The following SH3D19 variants were observed in gnomAD, a reference collection of about 807,000 sequenced individuals.
The protein encoded by SH3D19 is SH3 domain containing 19, also known as SH3 domain-containing protein 19.
In SH3D19, 58 loss-of-function variants were observed where a neutral mutation model predicts 112.1. The ratio of observed to expected loss-of-function variants is 0.52; its 90% CI spans 0.42 to 0.64. The LOEUF (loss-of-function observed/expected upper bound fraction) is 0.64. Ranked by LOEUF, SH3D19 falls within the 30% of genes least tolerant of loss-of-function variation. The probability of loss-of-function intolerance (pLI) is 0.00; values close to 1 mark genes in which losing one functional copy is unlikely to be tolerated. For synonymous variants in SH3D19, 391 were observed against 448.5 expected, an observed-to-expected ratio of 0.87 and a Z score of 1.62; for missense variants, 1,090 against 1,263.4, an observed-to-expected ratio of 0.86 and a Z score of 2.08.
At chr4:151,247,509 C>G (rs1771028464) in intron 1 of SH3D19, among the ~76,000 whole-genome samples, 1 of 152,146 alleles carries the variant, frequency 6.6e-6, no homozygotes. Flanking sequence ...CAGATTCTTA[C>G]ATATAATTTA....
At chr4:151,217,971 T>C (rs530969163) in intron 2 of SH3D19, among the ~76,000 whole-genome samples, 6 of 152,190 alleles carry the variant, frequency 3.9e-5, no homozygotes, top group South Asian at 2.1e-4. Flanking sequence ...TACACACACA[T>C]ATATATATCC....
chr4:151,193,653 T>C (rs1372348803), intron 2 of SH3D19, among the ~76,000 whole-genome samples: 1 of 152,190 alleles, frequency 6.6e-6, no homozygotes, highest in African/African-American at 2.4e-5. Flanking sequence ...CTTGTCTGAA[T>C]GGGTTAGGTT....
At chr4:151,239,652 C>T (rs777693715) in intron 1 of SH3D19, among the ~76,000 whole-genome samples, 1 of 152,096 alleles carries the variant, frequency 6.6e-6, no homozygotes, top group Non-Finnish European at 1.5e-5. Flanking sequence ...TTCTGTGGAA[C>T]AGACATAGAT....
intron 1 of SH3D19, among the ~76,000 whole-genome samples, chr4:151,270,510 T>G (rs1449937380): frequency 6.6e-6 from 1 of 152,250 alleles, no homozygotes; most frequent in African/African-American, 2.4e-5. Flanking sequence ...TAAAGCTCTT[T>G]CTTTATAAAT....
chr4:151,243,451 A>G (rs1770703487), intron 1 of SH3D19, among the ~76,000 whole-genome samples: 1 of 152,234 alleles, frequency 6.6e-6, no homozygotes, highest in Non-Finnish European at 1.5e-5. Context: ...TGGGCCCTCA[A>G]AACAAAATGA....
At chr4:151,210,278 C>T (rs1363327233) in intron 2 of SH3D19, among the ~76,000 whole-genome samples, 1 of 151,902 alleles carries the variant, frequency 6.6e-6, no homozygotes, top group Admixed American at 6.6e-5. Flanking sequence ...CTTGAAATAA[C>T]CTAAATGTCT....
chr4:151,229,423 AAGACCAGCAGTATATACTC>A (rs777168252), intron 1 of SH3D19, among the ~76,000 whole-genome samples: 56 of 152,166 alleles, frequency 3.7e-4, no homozygotes, highest in Non-Finnish European at 7.1e-4. Context: ...AGGTCACTCA[AAGACCAGCAGTATATACTC>A]AGTGTGAGGG....
intron 2 of SH3D19, among the ~76,000 whole-genome samples, chr4:151,218,387 A>T (rs1280719044): frequency 2.0e-5 from 3 of 151,414 alleles, no homozygotes; most frequent in Non-Finnish European, 4.4e-5. Flanking sequence ...GATGCCATTT[A>T]AAAAAAAATT....
chr4:151,324,063 T>C (rs1034879737), intron 1 of SH3D19, among the ~76,000 whole-genome samples: 3 of 152,230 alleles, frequency 2.0e-5, no homozygotes, highest in Non-Finnish European at 4.4e-5. Flanking sequence ...TTACCAATTA[T>C]GTTCAAAACT....
chr4:151,184,696 C>T (rs1446084457), intron 3 of SH3D19, among the ~76,000 whole-genome samples: 3 of 152,170 alleles, frequency 2.0e-5, no homozygotes, highest in African/African-American at 7.2e-5. Context: ...CATGCTTCCT[C>T]ATCCTAAGCA....
rs2149712929 is a variant in SH3D19 at position 151,122,114 on chromosome 4, T to C, written c.3121A>G (p.Ile1041Val). Residue 1041 changes from isoleucine (I) to valine (V), a missense_variant, in exon 20 of 20, where the codon ATA becomes GTA. Transcript: ENST00000604030. The stretch of plus-strand genomic sequence containing the variant: ...CTCTAGCTGATCTGTAGAAACTGTA[T>C]GTAGTTTTTGGGAAATATTCCAGAT... ...GKSGIFPKNYIQFLQIS is the reference protein window; with the variant it reads ...GKSGIFPKNYVQFLQIS 6.3e-7 allele frequency: 1 copy of C among 1,595,880 alleles called. No individual in the cohort carries two copies. Among genetic ancestry groups the C allele is most frequent in the Non-Finnish European group, 8.6e-7 (1 of 1,163,570 alleles).
At chr4:151,304,187 C>A (rs184301669) in intron 1 of SH3D19, among the ~76,000 whole-genome samples, 2 of 152,080 alleles carry the variant, frequency 1.3e-5, no homozygotes, top group African/African-American at 4.8e-5. Context: ...GAAAAAATGG[C>A]AGAGTTAAGA....
At chr4:151,287,621 T>C (rs1321374647) in intron 1 of SH3D19, among the ~76,000 whole-genome samples, 1 of 152,064 alleles carries the variant, frequency 6.6e-6, no homozygotes. Context: ...TTTTAGGATG[T>C]GGTGACTCAA....
At chr4:151,287,822 G>T (rs1774960182) in intron 1 of SH3D19, among the ~76,000 whole-genome samples, 1 of 152,202 alleles carries the variant, frequency 6.6e-6, no homozygotes, top group South Asian at 2.1e-4. Flanking sequence ...CGAGGCCACA[G>T]TGAGCAGTGT....
chr4:151,186,297 T>C (rs1392824030), intron 3 of SH3D19, among the ~76,000 whole-genome samples: 2 of 152,212 alleles, frequency 1.3e-5, no homozygotes, highest in African/African-American at 4.8e-5. Context: ...TCCTTTCTGA[T>C]GGGAATTCTA....
At chr4:151,315,234 G>A (rs768185412) in intron 1 of SH3D19, among the ~76,000 whole-genome samples, 5 of 152,098 alleles carry the variant, frequency 3.3e-5, no homozygotes, top group Non-Finnish European at 5.9e-5. Context: ...CTACTGCATA[G>A]GATTGGTACC....
intron 8 of SH3D19, 111 bp from the exon 9 acceptor site, chr4:151,159,463 CAAAT>C (rs1242835530): frequency 4.5e-6 from 3 of 659,356 alleles, no homozygotes; most frequent in Non-Finnish European, 7.7e-6. Flanking sequence ...AAGATACACA[CAAAT>C]AGTTAAGCAA....
intron 1 of SH3D19, among the ~76,000 whole-genome samples, chr4:151,315,232 T>C (rs150576041): frequency 5.1e-4 from 77 of 152,270 alleles, no homozygotes; most frequent in Non-Finnish European, 1.0e-3. Flanking sequence ...ACCTACTGCA[T>C]AGGATTGGTA....
At chr4:151,178,339 T>C (rs1439497666) in intron 4 of SH3D19, among the ~76,000 whole-genome samples, 1 of 152,202 alleles carries the variant, frequency 6.6e-6, no homozygotes, top group African/African-American at 2.4e-5. Flanking sequence ...TCTGCCTTTC[T>C]CTAGCACTCT....
Sources: allele counts gnomAD v4.1 joint callset (sites outside exome capture counted in the v4.1 genomes callset), GRCh38; gene constraint gnomAD v4.1.1; transcripts MANE v1.5; gene names NCBI Gene and HGNC (gene_info 2026-07-23, HGNC 2026-07-21).